KIF1B: variants seen among roughly 807,000 people sequenced by gnomAD.
The protein encoded by KIF1B is kinesin-like protein KIF1B.
In KIF1B, 76 loss-of-function variants were observed where a neutral mutation model predicts 241.9. The ratio of observed to expected loss-of-function variants is 0.31; its 90% confidence interval spans 0.26 to 0.38. The LOEUF (loss-of-function observed/expected upper bound fraction) is 0.38. Among genes scored for constraint, KIF1B ranks in the 10% least tolerant of loss-of-function variants. KIF1B has a pLI of 1.00. For synonymous variants in KIF1B, 750 were observed against 796.7 expected (o/e 0.94, Z 0.99); for missense variants, 1,622 against 2,271.4 (o/e 0.71, Z 5.81).
Position 10,261,962 on chromosome 1 carries a change from T to C in KIF1B, c.421T>C (p.Ser141Pro). 1 of 1,609,434 alleles carries C rather than the reference T, an allele frequency of 6.2e-7. No homozygotes were observed. The highest frequency in any genetic ancestry group is 1.7e-5 in the Admixed American group (1 of 60,002). Residue 141 changes from serine (S) to proline (P), a missense_variant, in exon 5 of 49, where the codon TCT becomes CCT. By Grantham distance (74) the Ser-to-Pro change is moderately conservative (BLOSUM62 -1). Around this residue, in one of 7 missense-constraint regions of KIF1B, gnomAD observed 156 missense variants for 244.8 expected, o/e 0.64. Coordinates refer to ENST00000676179, the MANE Select transcript of KIF1B (RefSeq NM_001365951.3). ...NDNCNEEMSY[S>P]VEVSYMEIYC... ...CAACTGTAATGAAGAAATGTCTTAC[T>C]CTGTAGAGGTGAGTACAGCCGTGAG...
Position 10,291,269 on chromosome 1 carries a change from T to C in KIF1B, c.1514+108T>C, listed in dbSNP as rs1649982580. On this transcript the variant is annotated intron_variant, in intron 16 of 48. Coordinates refer to ENST00000676179, the MANE Select transcript of KIF1B (RefSeq NM_001365951.3). ...ATTAAAATCAAAGAGTCTGCCCTTCTAAAACACAAAACGAAACCAAAAAAA... is the reference window on the plus strand; with the variant it reads ...ATTAAAATCAAAGAGTCTGCCCTTCCAAAACACAAAACGAAACCAAAAAAA... The C allele has an allele frequency of 3.5e-6, 3 of 852,810 alleles. No individual in the cohort carries two copies. In the South Asian group the frequency reaches 4.7e-5, roughly 13 times the overall value. 52.8% of individuals were successfully genotyped at this position (852,810 alleles called of 1,614,324 possible).
chr1:10,233,362 T>C (rs1647006394), intron 2 of KIF1B, among the ~76,000 whole-genome samples: 1 of 152,156 alleles, frequency 6.6e-6, no homozygotes, highest in Non-Finnish European at 1.5e-5. Context: ...ATGCCTGTAA[T>C]CCCAGCACTT....
At chr1:10,336,088 C>G (rs558589110) in intron 28 of KIF1B, among the ~76,000 whole-genome samples, 67 of 152,338 alleles carry the variant, frequency 4.4e-4, no homozygotes, top group African/African-American at 1.6e-3. Context: ...TGACTATTAT[C>G]TTGCCAGCAT....
chr1:10,283,088 T>C (rs1557686677), intron 15 of KIF1B, among the ~76,000 whole-genome samples: 1 of 150,712 alleles, frequency 6.6e-6, no homozygotes, highest in Non-Finnish European at 1.5e-5. Context: ...GCACCTGTAG[T>C]CCCAGCTACT....
At chr1:10,229,026 G>A (rs1646944895) in intron 1 of KIF1B, among the ~76,000 whole-genome samples, 1 of 152,084 alleles carries the variant, frequency 6.6e-6, no homozygotes, top group African/African-American at 2.4e-5. Flanking sequence ...TTAAGATGAT[G>A]GCTGTATTTC....
chr1:10,263,480 T>C lies in KIF1B; in HGVS notation c.429+1510T>C, dbSNP rs145220742. On this transcript the variant is annotated intron_variant, in intron 5 of 48. Transcript: ENST00000676179. ...AGCGATCTTGAGATTTTTTTTCTTT[T>C]CTTTTTGGTATTTGTTCTGATTCTC... Among the ~76,000 whole-genome samples the C allele has an allele frequency of 3.7e-3, 562 of 152,212 alleles. 17 individuals are homozygous for C. The highest frequency in any genetic ancestry group is 0.035 in the Admixed American group (531 of 15,270).
In KIF1B at chr1:10,276,392, A is replaced by G. The variant is rs2102222394; in HGVS notation, c.1030A>G (p.Thr344Ala). 1 of 1,612,412 alleles carries G rather than the reference A, an allele frequency of 6.2e-7. No homozygotes were observed. The highest frequency in any genetic ancestry group is 8.5e-7 in the Non-Finnish European group (1 of 1,178,704). Residue 344 changes from threonine (T) to alanine (A), a missense_variant, in exon 12 of 49, where the codon ACT becomes GCT. Thr to Ala is a moderately conservative substitution (Grantham distance 58). Coordinates refer to ENST00000676179, the MANE Select transcript of KIF1B (RefSeq NM_001365951.3). ...TATCAACTACGATGAGACTTTGAGC[A>G]CTCTGAGGTACTTTCTTTTGATCTC... ...ADINYDETLS[T>A]LRYADRAKQI...
intron 15 of KIF1B, among the ~76,000 whole-genome samples, chr1:10,287,511 G>A (rs1347891567): frequency 6.6e-6 from 1 of 152,086 alleles, no homozygotes. Flanking sequence ...GTGCTAATGT[G>A]ACTCACAGTT....
chr1:10,278,678 A>G (rs1182503757), intron 13 of KIF1B: 2 of 183,750 alleles, frequency 1.1e-5, no homozygotes, highest in Non-Finnish European at 2.3e-5. Flanking sequence ...GAAGTTCAAG[A>G]ACTACACTTC....
At chr1:10,217,180 G>T (rs1041480043) in intron 1 of KIF1B, among the ~76,000 whole-genome samples, 1 of 150,954 alleles carries the variant, frequency 6.6e-6, no homozygotes, top group Admixed American at 6.6e-5. Flanking sequence ...CACCGTGTTG[G>T]CCAGGCTGGT....
At chr1:10,295,014 G>A in intron 17 of KIF1B, 72 bp from the exon 18 acceptor site, 1 of 970,174 alleles carries the variant, frequency 1.0e-6, no homozygotes, top group Non-Finnish European at 1.7e-6. Flanking sequence ...CTGGCCTCTT[G>A]TAGGCCCCTG....
At chr1:10,279,061 G>T in intron 13 of KIF1B, 36 bp from the exon 14 acceptor site, 1 of 1,511,990 alleles carries the variant, frequency 6.6e-7, no homozygotes, top group South Asian at 1.2e-5. Context: ...CCTGAACTTT[G>T]ACCCTTCTCG....
chr1:10,231,848 C>T (rs963319595), intron 1 of KIF1B, among the ~76,000 whole-genome samples: 6 of 152,012 alleles, frequency 3.9e-5, no homozygotes, highest in Admixed American at 1.3e-4. Context: ...TTTGTAGTTA[C>T]GTTTTTTATT....
In KIF1B at chr1:10,378,602, T is replaced by C. The variant is rs953030033; in HGVS notation, c.*2015T>C. On this transcript the variant is annotated 3_prime_UTR_variant, in exon 49 of 49. Coordinates refer to ENST00000676179, the MANE Select transcript of KIF1B (RefSeq NM_001365951.3). ...CTTGAGGTTGCTGACTCTCAGGCGT[T>C]AGGCAGCTGGATGACTTCCCGCTTC... The C allele has an allele frequency of 3.4e-6, 2 of 595,528 alleles. No homozygotes were observed. Among genetic ancestry groups the C allele is most frequent in the African/African-American group, 1.9e-5 (1 of 53,854 alleles). The allele number at this position is 595,528 out of a possible 1,614,324, so 36.9% of individuals were successfully genotyped here.
At chr1:10,366,717 A>G (rs2102351960) in intron 43 of KIF1B, among the ~76,000 whole-genome samples, 1 of 152,326 alleles carries the variant, frequency 6.6e-6, no homozygotes, top group African/African-American at 2.4e-5. Flanking sequence ...TCACGCCTGT[A>G]ATCCCACCAC....
At chr1:10,348,077 A>G (rs994650540) in intron 36 of KIF1B, among the ~76,000 whole-genome samples, 2 of 151,950 alleles carry the variant, frequency 1.3e-5, no homozygotes, top group East Asian at 1.9e-4. Context: ...GTTTCATTCA[A>G]TTACTCTAAT....
chr1:10,375,119 C>A, intron 47 of KIF1B, 73 bp downstream of exon 47: 1 of 1,539,864 alleles, frequency 6.5e-7, no homozygotes, highest in Admixed American at 1.7e-5. Flanking sequence ...CTCTCTGTTA[C>A]GTGGTGTGAA....
intron 2 of KIF1B, among the ~76,000 whole-genome samples, chr1:10,242,227 TAGG>T (rs1647147406): frequency 6.6e-6 from 1 of 152,126 alleles, no homozygotes; most frequent in South Asian, 2.1e-4. Flanking sequence ...TGATGACTAT[TAGG>T]AGAGCACCGA....
At position 10,295,765 on chromosome 1, in the gene KIF1B, A is replaced by G; in HGVS notation, c.1776A>G (p.Glu592=). The G allele has an allele frequency of 6.2e-7, 1 of 1,611,844 alleles. No individual in the cohort carries two copies. Among genetic ancestry groups the G allele is most frequent in the South Asian group, 1.1e-5 (1 of 91,010 alleles). Residue 592 remains glutamate (E), a splice_region_variant and synonymous_variant, in exon 19 of 49, where the codon GAA becomes GAG. Coordinates refer to ENST00000676179, the MANE Select transcript of KIF1B (RefSeq NM_001365951.3). The part of the protein sequence containing the change: ...IFRSERSNSG[E]VIVTLEPCER... ...GGAGTGAGAGAAGCAACAGCGGGGA[A>G]GGTGAGCATTCCTGGCTGGAGCTTC...
Sources: gnomAD v4.1 joint callset for allele counts (sites outside exome capture counted in the v4.1 genomes callset) on GRCh38, gnomAD v4.1.1 for gene constraint, gnomAD v4.1.1 regional missense constraint, MANE v1.5 for transcripts, NCBI Gene and HGNC (gene_info 2026-07-23, HGNC 2026-07-21) for gene names.